Variants in CHST3 observed in about 807,000 individuals in gnomAD.
The protein encoded by CHST3 is C6ST-1.
A neutral mutation model predicts 35.4 loss-of-function variants in CHST3; 20 were observed. The observed-to-expected ratio is 0.57, with a 90% CI of 0.40 to 0.82. The LOEUF (loss-of-function observed/expected upper bound fraction) is 0.82, where lower values mean the gene tolerates loss of function less well. CHST3 is among the 40% of genes least tolerant of loss of function. The pLI is 0.00. For missense variants in CHST3, 693 were observed against 670.1 expected, an observed-to-expected ratio of 1.03 and a Z score of -0.38; for synonymous variants, 334 against 295.9, an observed-to-expected ratio of 1.13 and a Z score of -1.32.
chr10:72,008,034 G>A lies in CHST3; in HGVS notation c.1003G>A (p.Glu335Lys), dbSNP rs150466838. 1,180 of 1,549,498 alleles carry A rather than the reference G, an allele frequency of 7.6e-4. 3 individuals carry two copies. Among genetic ancestry groups the A allele is most frequent in the South Asian group, 1.9e-3 (159 of 84,048 alleles). Reference sequence around the variant, plus strand: ...CGACGAGGGCCAGGACGGCCTGAGGGAAGAGGAGGTGCAGCGGCTGCGGGG... The same window carrying A: ...CGACGAGGGCCAGGACGGCCTGAGGAAAGAGGAGGTGCAGCGGCTGCGGGG... ...LDDEGQDGLREEEVQRLRGNC... is the reference protein window; with the variant it reads ...LDDEGQDGLRKEEVQRLRGNC... The change falls in exon 3 of 3, where the codon GAA (glutamate) becomes AAA (lysine). Residue 335 changes from glutamate to lysine, a missense_variant. By Grantham distance (56) the Glu-to-Lys change is moderately conservative. Coordinates refer to ENST00000373115, the MANE Select transcript of CHST3 (RefSeq NM_004273.5).
intron 1 of CHST3, among the ~76,000 whole-genome samples, chr10:71,979,398 GA>G (rs1227970940): frequency 6.6e-6 from 1 of 152,026 alleles, no homozygotes; most frequent in Non-Finnish European, 1.5e-5. Flanking sequence ...GATGGCGGGA[GA>G]GGGGTTAGAT....
rs114404104 is a variant in CHST3, at chr10:71,979,428, C to T, written c.-108+14734C>T. 5.2e-3 allele frequency among the ~76,000 whole-genome samples: 781 copies of T among 151,334 alleles called. 10 individuals are homozygous for T. Among genetic ancestry groups the T allele is most frequent in the African/African-American group, 0.018 (741 of 41,124 alleles). On this transcript the variant is annotated intron_variant, in intron 1 of 2. Transcript: ENST00000373115. Reference sequence around the variant, plus strand: ...GTTAGATGGCAGGAGAGGGGTTAGACTAGTCCCCTGGGGGATTGGTTATGG... The same window carrying T: ...GTTAGATGGCAGGAGAGGGGTTAGATTAGTCCCCTGGGGGATTGGTTATGG...
chr10:71,964,745 G>T (rs528943050), intron 1 of CHST3, 51 bp downstream of exon 1: 1 of 152,258 alleles, frequency 6.6e-6, no homozygotes, highest in South Asian at 2.1e-4. Context: ...GGGGGAGGCC[G>T]CCCAGCCGGG....
At chr10:72,000,342 CG>C in intron 1 of CHST3, among the ~76,000 whole-genome samples, 1 of 152,176 alleles carries the variant, frequency 6.6e-6, no homozygotes, top group East Asian at 1.9e-4. Flanking sequence ...TCTCCTCTCC[CG>C]GAGTCAACGT....
Position 72,007,957 on chromosome 10 carries a change from C to T in CHST3, c.926C>T (p.Ser309Leu). 1 of 1,549,582 alleles carries T rather than the reference C, an allele frequency of 6.5e-7. No individual in the cohort carries two copies. The highest frequency in any genetic ancestry group is 1.4e-5 in the African/African-American group (1 of 73,156). The change falls in exon 3 of 3, where the codon TCG (serine) becomes TTG (leucine). Residue 309 changes from serine to leucine, a missense_variant. By Grantham distance (145) the Ser-to-Leu change is moderately radical. Transcript: ENST00000373115. Reference sequence around the variant, plus strand: ...CGCGACCCCCGGGCCGTGCTGGCCTCGCGCATGGTGGCCTTCGCCGGCAAG... The same window carrying T: ...CGCGACCCCCGGGCCGTGCTGGCCTTGCGCATGGTGGCCTTCGCCGGCAAG... ...LVRDPRAVLA[S>L]RMVAFAGKYK...
intron 1 of CHST3, among the ~76,000 whole-genome samples, chr10:71,989,427 G>A (rs1839877789): frequency 6.6e-6 from 1 of 152,126 alleles, no homozygotes; most frequent in African/African-American, 2.4e-5. Context: ...AGCCTAGGCA[G>A]TGGAGCAAGA....
intron 1 of CHST3, among the ~76,000 whole-genome samples, chr10:71,998,186 C>T (rs1264404746): frequency 1.3e-5 from 2 of 152,216 alleles, no homozygotes; most frequent in African/African-American, 4.8e-5. Flanking sequence ...AGAATCGTAA[C>T]ATTATGTTTT....
Position 72,008,537 on chromosome 10 carries a change from G to C in CHST3, c.*66G>C, listed in dbSNP as rs55939908. On this transcript the variant is annotated 3_prime_UTR_variant, in exon 3 of 3. Coordinates refer to ENST00000373115, the MANE Select transcript of CHST3 (RefSeq NM_004273.5). ...GCCCCGTCTTTCTGCCGCAGCCCTC[G>C]CAGAGGGCGGGTGCACAGCGCCATG... is the stretch of plus-strand genomic sequence containing the variant. 1 of 1,452,788 alleles carries C rather than the reference G, an allele frequency of 6.9e-7. No homozygotes were observed. The highest frequency in any genetic ancestry group is 2.5e-5 in the East Asian group (1 of 40,104). 90.0% of individuals were successfully genotyped at this position (1,452,788 alleles called of 1,614,324 possible). A position where few individuals can be genotyped will look rare whatever the true frequency, so the allele number is the denominator to read the frequency against.
intron 1 of CHST3, among the ~76,000 whole-genome samples, chr10:71,988,334 A>G (rs1434603845): frequency 2.0e-5 from 3 of 152,142 alleles, no homozygotes; most frequent in East Asian, 3.9e-4. Context: ...TATAGTTGGG[A>G]TATTTGTCCG....
intron 1 of CHST3, among the ~76,000 whole-genome samples, chr10:71,986,494 G>A (rs184957617): frequency 1.3e-5 from 2 of 152,332 alleles, no homozygotes; most frequent in East Asian, 1.9e-4. Context: ...CGCAGCACTC[G>A]TATTTTCAAA....
chr10:71,991,524 T>G (rs1437775800), intron 1 of CHST3, among the ~76,000 whole-genome samples: 10 of 152,218 alleles, frequency 6.6e-5, no homozygotes, highest in Non-Finnish European at 1.5e-4. Flanking sequence ...ATATTTTGGC[T>G]GTTACAGGCA....
intron 1 of CHST3, among the ~76,000 whole-genome samples, chr10:71,979,003 CCCTTT>C (rs1278604586): frequency 6.6e-6 from 1 of 152,252 alleles, no homozygotes; most frequent in Non-Finnish European, 1.5e-5. Context: ...CAGGTTCCTT[CCCTTT>C]CCTTCCCTCC....
intron 1 of CHST3, among the ~76,000 whole-genome samples, chr10:71,967,845 T>G (rs1487887850): frequency 6.6e-6 from 1 of 152,154 alleles, no homozygotes; most frequent in Non-Finnish European, 1.5e-5. Context: ...AGTGGTGGGA[T>G]GGAGTCTTGC....
chr10:71,975,828 A>G (rs1358477628), intron 1 of CHST3, among the ~76,000 whole-genome samples: 1 of 152,260 alleles, frequency 6.6e-6, no homozygotes, highest in African/African-American at 2.4e-5. Context: ...TGGAGGGGCC[A>G]GTGGCCGTGC....
chr10:72,000,214 G>T (rs1254761810), intron 1 of CHST3, among the ~76,000 whole-genome samples: 1 of 152,188 alleles, frequency 6.6e-6, no homozygotes, highest in African/African-American at 2.4e-5. Flanking sequence ...CTTTGGGAAG[G>T]ACATTGATTC....
intron 1 of CHST3, among the ~76,000 whole-genome samples, chr10:71,993,643 C>T (rs572733189): frequency 6.6e-6 from 1 of 152,206 alleles, no homozygotes; most frequent in Admixed American, 6.5e-5. Context: ...TATAGCCTTA[C>T]AAAATGTATT....
intron 1 of CHST3, among the ~76,000 whole-genome samples, chr10:71,996,667 TG>T (rs1366942275): frequency 6.6e-6 from 1 of 152,186 alleles, no homozygotes; most frequent in African/African-American, 2.4e-5. Context: ...CTGCTGGTTC[TG>T]GGGGAAGAAG....
At chr10:72,004,147 G>A (rs968828603) in intron 1 of CHST3, among the ~76,000 whole-genome samples, 1 of 152,102 alleles carries the variant, frequency 6.6e-6, no homozygotes, top group East Asian at 1.9e-4. Flanking sequence ...CAGCCTGGAC[G>A]ACAGAGCGAG....
chr10:71,970,264 C>G (rs1020248808), intron 1 of CHST3, among the ~76,000 whole-genome samples: 1 of 152,172 alleles, frequency 6.6e-6, no homozygotes, highest in Non-Finnish European at 1.5e-5. Context: ...CCCCCACCAC[C>G]TCCTCACAAA....
Sources: allele counts gnomAD v4.1 joint callset (sites outside exome capture counted in the v4.1 genomes callset), GRCh38; gene constraint gnomAD v4.1.1; transcripts MANE v1.5; gene names NCBI Gene and HGNC (gene_info 2026-07-23, HGNC 2026-07-21).